The following MGAT4C variants were observed in gnomAD, a reference collection of about 807,000 sequenced individuals.
MGAT4C encodes the protein alpha-1,3-mannosyl-glycoprotein 4-beta-N-acetylglucosaminyltransferase C.
Under a neutral mutation model 40.1 loss-of-function variants are expected in MGAT4C, and 19 were observed. That is an observed-to-expected ratio of 0.47 (90% CI 0.33 to 0.70). The LOEUF is 0.70. Ranked by LOEUF, MGAT4C falls within the 30% of genes least tolerant of loss-of-function variation. The probability of loss-of-function intolerance (pLI) is 0.02; values close to 1 mark genes in which losing one functional copy is unlikely to be tolerated. For synonymous variants in MGAT4C, 181 were observed against 187.1 expected (o/e 0.97, Z 0.27); for missense variants, 491 against 563.2 (o/e 0.87, Z 1.30).
chr12:86,339,671 A>C (rs1047438568), intron 3 of MGAT4C, among the ~76,000 whole-genome samples: 1 of 151,286 alleles, frequency 6.6e-6, no homozygotes, highest in African/African-American at 2.4e-5. Context: ...TTTACAATTC[A>C]AACTATTTAT....
At chr12:86,605,347 T>C (rs973883413) in intron 2 of MGAT4C, among the ~76,000 whole-genome samples, 1 of 152,110 alleles carries the variant, frequency 6.6e-6, no homozygotes, top group Admixed American at 6.6e-5. Flanking sequence ...TTTGGAATTA[T>C]GATCATTGTT....
chr12:86,691,736 A>T (rs996983183), intron 2 of MGAT4C, among the ~76,000 whole-genome samples: 3 of 152,166 alleles, frequency 2.0e-5, no homozygotes, highest in Non-Finnish European at 4.4e-5. Flanking sequence ...TATATAAGAC[A>T]TACAACGTAT....
In MGAT4C at chr12:86,821,260, C is replaced by A. The variant is rs575367810; in HGVS notation, c.-262+17406G>T. Among the ~76,000 whole-genome samples the A allele has an allele frequency of 9.3e-5, 14 of 150,748 alleles. No homozygotes were observed. The East Asian group carries it at 2.7e-3, about 29-fold the overall frequency. The stretch of plus-strand genomic sequence containing the variant: ...TGTAGCTGCAGCAACTATAAAAGTT[C>A]CTGTCCAGGTACTTTATAAATGTAT... On this transcript the variant is annotated intron_variant, in intron 1 of 7. Transcript: ENST00000548651.
intron 1 of MGAT4C, among the ~76,000 whole-genome samples, chr12:86,058,240 T>C (rs1443787185): frequency 1.3e-5 from 2 of 152,052 alleles, no homozygotes; most frequent in African/African-American, 4.8e-5. Flanking sequence ...TGCAATCAAA[T>C]TAAAAAGCCC....
chr12:86,452,620 T>C (rs1592865362), intron 2 of MGAT4C, among the ~76,000 whole-genome samples: 1 of 152,092 alleles, frequency 6.6e-6, no homozygotes, highest in South Asian at 2.1e-4. Flanking sequence ...TTCTAGAATA[T>C]TGGCTTCCTG....
chr12:86,475,879 A>T (rs956382646), intron 2 of MGAT4C, among the ~76,000 whole-genome samples: 1 of 151,864 alleles, frequency 6.6e-6, no homozygotes, highest in Non-Finnish European at 1.5e-5. Flanking sequence ...ATTATTGTAC[A>T]CTCACCATTT....
intron 2 of MGAT4C, among the ~76,000 whole-genome samples, chr12:86,614,743 T>C (rs538243742): frequency 2.8e-4 from 42 of 152,074 alleles, no homozygotes; most frequent in African/African-American, 8.7e-4. Context: ...TTAAATAGTA[T>C]TGATGCAGTC....
intron 1 of MGAT4C, among the ~76,000 whole-genome samples, chr12:86,249,843 T>C (rs542177714): frequency 5.3e-5 from 8 of 152,304 alleles, no homozygotes; most frequent in Admixed American, 2.6e-4. Context: ...AAGTGACAGC[T>C]TATTTTTAAA....
chr12:86,279,347 C>G (rs1420714817), intron 4 of MGAT4C, among the ~76,000 whole-genome samples: 3 of 151,988 alleles, frequency 2.0e-5, no homozygotes, highest in African/African-American at 7.2e-5. Context: ...TGTTATTGGT[C>G]TGTTCCGGTT....
chr12:86,586,707 G>A (rs4483663), intron 2 of MGAT4C, among the ~76,000 whole-genome samples: 106,128 of 145,344 alleles, frequency 0.73, 40,247 homozygotes, highest in Middle Eastern at 0.83. Flanking sequence ...GCCAGTGATG[G>A]TGAGCATTTT....
At chr12:86,230,941 G>A (rs1010872224) in intron 1 of MGAT4C, among the ~76,000 whole-genome samples, 2 of 149,320 alleles carry the variant, frequency 1.3e-5, no homozygotes, top group Admixed American at 6.7e-5. Context: ...ATTATGAACA[G>A]TTCATCCCCT....
intron 1 of MGAT4C, among the ~76,000 whole-genome samples, chr12:86,165,119 T>A (rs1318741978): frequency 6.6e-6 from 1 of 152,072 alleles, no homozygotes; most frequent in Non-Finnish European, 1.5e-5. Context: ...TAGTCACATA[T>A]TGGCTATTGG....
intron 3 of MGAT4C, among the ~76,000 whole-genome samples, chr12:85,987,327 C>A (rs995687371): frequency 2.7e-5 from 4 of 150,768 alleles, no homozygotes; most frequent in African/African-American, 9.7e-5. Context: ...TTAGTAGAGA[C>A]GGGGTTTCAC....
At chr12:86,060,127 G>A (rs1390400834) in intron 1 of MGAT4C, among the ~76,000 whole-genome samples, 1 of 152,042 alleles carries the variant, frequency 6.6e-6, no homozygotes, top group Non-Finnish European at 1.5e-5. Context: ...GAAGAACTTG[G>A]GGTATGACAG....
intron 1 of MGAT4C, among the ~76,000 whole-genome samples, chr12:86,243,096 C>G (rs953766542): frequency 2.0e-5 from 3 of 152,164 alleles, no homozygotes; most frequent in African/African-American, 7.2e-5. Flanking sequence ...AACACTGCAG[C>G]CATTTCTCCA....
At chr12:86,238,323 C>T (rs1951639905) in intron 1 of MGAT4C, among the ~76,000 whole-genome samples, 1 of 151,940 alleles carries the variant, frequency 6.6e-6, no homozygotes, top group African/African-American at 2.4e-5. Flanking sequence ...ACTTGTCTTG[C>T]ATGTTACCAT....
At chr12:86,415,599 T>C (rs373757613) in intron 3 of MGAT4C, among the ~76,000 whole-genome samples, 36 of 152,104 alleles carry the variant, frequency 2.4e-4, no homozygotes, top group Non-Finnish European at 2.2e-4. Context: ...AATAATTAAA[T>C]ATTTTTAAAG....
At chr12:86,384,304 A>C (rs1319544643) in intron 3 of MGAT4C, among the ~76,000 whole-genome samples, 1 of 152,180 alleles carries the variant, frequency 6.6e-6, no homozygotes, top group Non-Finnish European at 1.5e-5. Context: ...TAATATTTCT[A>C]CCTAAGATGA....
At chr12:86,377,644 G>C (rs1955855641) in intron 3 of MGAT4C, among the ~76,000 whole-genome samples, 1 of 152,044 alleles carries the variant, frequency 6.6e-6, no homozygotes, top group Admixed American at 6.6e-5. Context: ...TTTCACCAAA[G>C]ATCAATAATG....
Sources: gnomAD v4.1 joint callset for allele counts (sites outside exome capture counted in the v4.1 genomes callset) on GRCh38, gnomAD v4.1.1 for gene constraint, MANE v1.5 for transcripts, NCBI Gene and HGNC (gene_info 2026-07-23, HGNC 2026-07-21) for gene names.